Variants in KIF21B observed in about 807,000 individuals in gnomAD.
KIF21B encodes kinesin family member 21B.
In KIF21B, 85 loss-of-function variants were observed where a neutral mutation model predicts 192.9. The observed-to-expected ratio is 0.44, with a 90% CI of 0.37 to 0.53. The LOEUF is 0.53. Ranked by LOEUF, KIF21B falls within the 20% of genes least tolerant of loss-of-function variation. The probability of loss-of-function intolerance (pLI) is 0.00; values close to 1 mark genes in which losing one functional copy is unlikely to be tolerated. For synonymous variants in KIF21B, 832 were observed against 884.6 expected (o/e 0.94, Z 1.05); for missense variants, 1,716 against 2,194.8 (o/e 0.78, Z 4.36).
Position 201,009,308 on chromosome 1 carries a change from G to GC in KIF21B, c.221dup (p.Cys75LeufsTer6). 1.2e-6 allele frequency: 2 copies of GC among 1,614,274 alleles called. No individual in the cohort carries two copies. Among genetic ancestry groups the GC allele is most frequent in the Non-Finnish European group, 1.7e-6 (2 of 1,180,050 alleles). The stretch of plus-strand genomic sequence containing the variant: ...CCGTGGCATTATAGCCCTCGAAGCA[G>GC]CCCTCGATGAGCTTGCTCACACAGG... On this transcript the variant is annotated frameshift_variant, in exon 2 of 35. Transcript: ENST00000461742. LOFTEE classifies it high-confidence loss of function.
In KIF21B at chr1:201,023,292, A is replaced by T; in HGVS notation, c.41+51T>A. ...GCCCCCCGCCCAAAGCCCACGCGAG[A>T]CAAAGCCCGAGGCTTCTCCGCGCGC... On this transcript the variant is annotated intron_variant, in intron 1 of 34. Coordinates refer to ENST00000461742, the MANE Select transcript of KIF21B (RefSeq NM_001252102.2). This position sits in a 1 kb window ranked among gnomAD's most constrained non-coding sequence, Gnocchi z 5.9. The T allele has an allele frequency of 6.8e-7, 1 of 1,478,032 alleles. No individual in the cohort carries two copies. Among genetic ancestry groups the T allele is most frequent in the Non-Finnish European group, 9.1e-7 (1 of 1,102,068 alleles). 91.6% of individuals were successfully genotyped at this position (1,478,032 alleles called of 1,614,324 possible). A position where few individuals can be genotyped will look rare whatever the true frequency, so the allele number is the denominator to read the frequency against.
chr1:200,987,820 CT>C (rs1431331766), intron 24 of KIF21B, among the ~76,000 whole-genome samples: 1 of 152,226 alleles, frequency 6.6e-6, no homozygotes, highest in Non-Finnish European at 1.5e-5. Context: ...TCCTTGTCTC[CT>C]TAATAAACCC....
intron 27 of KIF21B, among the ~76,000 whole-genome samples, chr1:200,984,310 T>C (rs1421127721): frequency 6.6e-6 from 1 of 152,190 alleles, no homozygotes; most frequent in Non-Finnish European, 1.5e-5. Context: ...GAAAGCAGGT[T>C]GTAAAGCACA....
chr1:200,988,197 G>A (rs1656428350), intron 24 of KIF21B, 99 bp downstream of exon 24: 3 of 1,205,584 alleles, frequency 2.5e-6, no homozygotes, highest in South Asian at 2.4e-5. Context: ...ACAACATTGT[G>A]TTGTGGCTGA....
chr1:200,990,629 T>G lies in KIF21B; in HGVS notation c.2782A>C (p.Met928Leu), dbSNP rs1571930941. Reference sequence around the variant, plus strand: ...AGGTTGACAATGGTCATTCTCTGCATGACGATGTCAATGATCCGTCGCTCC... The same window carrying G: ...AGGTTGACAATGGTCATTCTCTGCAGGACGATGTCAATGATCCGTCGCTCC... The part of the protein sequence containing the change: ...SLERRIIDIV[M>L]QRMTIVNLEA... Residue 928 changes from methionine (M) to leucine (L), a missense_variant, in exon 19 of 35, where the codon ATG (methionine) becomes CTG (leucine). Physicochemically the swap from Met to Leu is conservative, Grantham distance 15 (BLOSUM62 2). Transcript: ENST00000461742. This position sits in a 1 kb window ranked among gnomAD's most constrained non-coding sequence, Gnocchi z 5.4. 1.2e-6 allele frequency: 2 copies of G among 1,614,086 alleles called. No homozygotes were observed. The highest frequency in any genetic ancestry group is 2.2e-5 in the South Asian group (2 of 91,094).
chr1:201,016,471 T>A (rs1658509506), intron 1 of KIF21B, among the ~76,000 whole-genome samples: 1 of 152,072 alleles, frequency 6.6e-6, no homozygotes, highest in South Asian at 2.1e-4. Flanking sequence ...ATGAGCCTCC[T>A]CTCCTCCTCC....
In KIF21B at chr1:201,009,294, T is replaced by C. The variant is rs764621053; in HGVS notation, c.236A>G (p.Tyr79Cys). 8.7e-6 allele frequency: 14 copies of C among 1,614,130 alleles called. No homozygotes were observed. Among genetic ancestry groups the C allele is most frequent in the Middle Eastern group, 1.6e-4 (1 of 6,084 alleles). ...SKLIEGCFEG[Y>C]NATVLAYGQT... is the part of the protein sequence containing the mutation. ...CCCATAGGCCAGCACCGTGGCATTA[T>C]AGCCCTCGAAGCAGCCCTCGATGAG... The change falls in exon 2 of 35, where the codon TAT becomes TGT. Residue 79 changes from tyrosine (Y) to cysteine (C), a missense_variant. Transcript: ENST00000461742.
intron 25 of KIF21B, 33 bp from the exon 26 acceptor site, chr1:200,986,951 C>T: frequency 6.2e-7 from 1 of 1,612,440 alleles, no homozygotes; most frequent in Non-Finnish European, 8.5e-7. Context: ...GGCCCAGACC[C>T]AACTCCACCT....
Position 200,999,255 on chromosome 1 carries a change from G to T in KIF21B, c.1885+94C>A. The T allele has an allele frequency of 1.4e-6, 2 of 1,477,682 alleles. No individual in the cohort carries two copies. Among genetic ancestry groups the T allele is most frequent in the South Asian group, 2.3e-5 (2 of 88,432 alleles). 91.5% of individuals were successfully genotyped at this position (1,477,682 alleles called of 1,614,324 possible). On this transcript the variant is annotated intron_variant, in intron 13 of 34. Transcript: ENST00000461742. The surrounding 1 kb of genome is among the most constrained non-coding windows in gnomAD (Gnocchi z 4.7). ...TCACGTCTGGGAGTGCTGGGGCCTG[G>T]ACACCATTATCTTTGAGCAGGGCCC...
intron 34 of KIF21B, 145 bp from the exon 35 acceptor site, chr1:200,973,723 G>A (rs747564115): frequency 7.3e-5 from 108 of 1,481,340 alleles, no homozygotes; most frequent in Non-Finnish European, 9.2e-5. Flanking sequence ...TTACGGGGAG[G>A]TGGACTGCAG....
At chr1:201,012,025 C>G (rs919066828) in intron 1 of KIF21B, among the ~76,000 whole-genome samples, 3 of 152,226 alleles carry the variant, frequency 2.0e-5, no homozygotes, top group Admixed American at 6.5e-5. Flanking sequence ...AGGATCAAGA[C>G]AGTGGGCAGA....
chr1:201,008,831 G>A lies in KIF21B; in HGVS notation c.385C>T (p.Arg129Cys), dbSNP rs756959465. 8 of 1,608,098 alleles carry A rather than the reference G, an allele frequency of 5.0e-6. No individual in the cohort carries two copies. Among genetic ancestry groups the A allele is most frequent in the Middle Eastern group, 1.6e-4 (1 of 6,080 alleles). The change falls in exon 3 of 35, where the codon CGC (arginine) becomes TGC (cysteine). Residue 129 changes from arginine (R) to cysteine (C), a missense_variant. Arg to Cys is a radical substitution (Grantham distance 180). Coordinates refer to ENST00000461742, the MANE Select transcript of KIF21B (RefSeq NM_001252102.2). The part of the protein sequence containing the change: ...HLFGGIAERK[R>C]RAQEQGVAGP... ...GCCACGCCCTGCTCCTGTGCCCGGC[G>A]CTTGCGCTCGGCAATGCCCCCAAAG...
At position 201,009,499 on chromosome 1, in the gene KIF21B, T is replaced by C; in HGVS notation, c.42-11A>G. 7 of 1,612,198 alleles carry C rather than the reference T, an allele frequency of 4.3e-6. No individual in the cohort carries two copies. The highest frequency in any genetic ancestry group is 5.9e-6 in the Non-Finnish European group (7 of 1,179,080). ...AGCTGGGGCCGGATCCTGCCCATGA[T>C]GGAGAGAGCCCTGGGTCAGGCCCAG... On this transcript the variant is annotated splice_polypyrimidine_tract_variant and intron_variant, in intron 1 of 34. Transcript: ENST00000461742.
In KIF21B at chr1:200,985,028, C is replaced by G. The variant is rs554561200; in HGVS notation, c.3690-56G>C. ...AGTGACCACCCCTGCCCACAGGCCCCTACTTGGTGCTGGGCTTCCACCTTC... is the reference window on the plus strand; with the variant it reads ...AGTGACCACCCCTGCCCACAGGCCCGTACTTGGTGCTGGGCTTCCACCTTC... On this transcript the variant is annotated intron_variant, in intron 26 of 34. Transcript: ENST00000461742. 1.2e-5 allele frequency: 16 copies of G among 1,286,882 alleles called. No individual in the cohort carries two copies. In the Admixed American group the frequency reaches 1.8e-4, roughly 14 times the overall value. The allele number at this position is 1,286,882 out of a possible 1,614,324, so 79.7% of individuals were successfully genotyped here.
At chr1:201,009,635 C>G in intron 1 of KIF21B, 147 bp from the exon 2 acceptor site, 1 of 664,388 alleles carries the variant, frequency 1.5e-6, no homozygotes. Flanking sequence ...AGGACATGGG[C>G]AACTTTTGTA....
rs769807915 is a variant in KIF21B at position 201,008,865 on chromosome 1, G to T, written c.351C>A (p.Ile117=). 1 of 1,611,196 alleles carries T rather than the reference G, an allele frequency of 6.2e-7. No homozygotes were observed. The highest frequency in any genetic ancestry group is 8.5e-7 in the Non-Finnish European group (1 of 1,179,964). Residue 117 remains isoleucine (I), a synonymous_variant, in exon 3 of 35, where the codon ATC becomes ATA. Coordinates refer to ENST00000461742, the MANE Select transcript of KIF21B (RefSeq NM_001252102.2). ...EEEQGIIPRA[I]AHLFGGIAER... ...CGGCAATGCCCCCAAAGAGGTGTGC[G>T]ATGGCCCTCGGGATGATGCCCTGCT... is the stretch of plus-strand genomic sequence containing the variant.
At position 200,979,576 on chromosome 1, in the gene KIF21B, C is replaced by T. The variant is rs1248742113; in HGVS notation, c.4119G>A (p.Val1373=). ...VFSVSTSYIK[V]WDIRDSAKCI... The stretch of plus-strand genomic sequence containing the variant: ...ACTTGGCTGAGTCCCGGATGTCCCA[C>T]ACCTTGATGTAGGAGGTGGACACGG... The change falls in exon 30 of 35, where the codon GTG becomes GTA. Residue 1373 remains valine (V), a synonymous_variant. Coordinates refer to ENST00000461742, the MANE Select transcript of KIF21B (RefSeq NM_001252102.2). 3 of 1,588,218 alleles carry T rather than the reference C, an allele frequency of 1.9e-6. No individual in the cohort carries two copies. The highest frequency in any genetic ancestry group is 1.4e-5 in the African/African-American group (1 of 73,560).
chr1:200,990,431 T>A lies in KIF21B; in HGVS notation c.2836-99A>T. Reference sequence around the variant, plus strand: ...TTCCACCACAGGCTGGCCTGTGAGGTCCCCCCAGCACCTCTGGATTCCAGA... The same window carrying A: ...TTCCACCACAGGCTGGCCTGTGAGGACCCCCCAGCACCTCTGGATTCCAGA... On this transcript the variant is annotated intron_variant, in intron 19 of 34. Coordinates refer to ENST00000461742, the MANE Select transcript of KIF21B (RefSeq NM_001252102.2). The surrounding 1 kb of genome is among the most constrained non-coding windows in gnomAD (Gnocchi z 5.4). 9 of 1,464,976 alleles carry A rather than the reference T, an allele frequency of 6.1e-6. No homozygotes were observed. The highest frequency in any genetic ancestry group is 8.3e-6 in the Non-Finnish European group (9 of 1,079,050). The allele number at this position is 1,464,976 out of a possible 1,614,324, so 90.7% of individuals were successfully genotyped here. A position where few individuals can be genotyped will look rare whatever the true frequency, so the allele number is the denominator to read the frequency against.
intron 26 of KIF21B, among the ~76,000 whole-genome samples, chr1:200,986,511 C>T (rs575155487): frequency 6.6e-6 from 1 of 152,166 alleles, no homozygotes; most frequent in East Asian, 1.9e-4. Flanking sequence ...GCATGTGCCA[C>T]TATGCCTGGC....
Sources: allele counts gnomAD v4.1 joint callset (sites outside exome capture counted in the v4.1 genomes callset), GRCh38; gene constraint gnomAD v4.1.1; non-coding constraint Gnocchi (gnomAD v3.1); transcripts MANE v1.5; gene names NCBI Gene and HGNC (gene_info 2026-07-23, HGNC 2026-07-21).